CATSPERE: variants seen among roughly 807,000 people sequenced by gnomAD.
CATSPERE encodes cation channel sperm-associated auxiliary subunit epsilon.
In CATSPERE, 93 loss-of-function variants were observed where a neutral mutation model predicts 114.1. That is an observed-to-expected ratio of 0.81 (90% CI 0.69 to 0.97). The LOEUF (loss-of-function observed/expected upper bound fraction) is 0.97. Among genes scored for constraint, CATSPERE ranks in the 50% least tolerant of loss-of-function variants. The pLI is 0.00. For missense variants in CATSPERE, 1,058 were observed against 1,131.6 expected (o/e 0.93, Z 0.93); for synonymous variants, 341 against 384.1 (o/e 0.89, Z 1.31).
chr1:244,512,796 C>T (rs1675983527), intron 7 of CATSPERE, among the ~76,000 whole-genome samples: 1 of 152,192 alleles, frequency 6.6e-6, no homozygotes, highest in South Asian at 2.1e-4. Context: ...GGCTTTAATT[C>T]TGGATGGGCA....
intron 8 of CATSPERE, among the ~76,000 whole-genome samples, chr1:244,526,146 A>C (rs1210762160): frequency 6.6e-6 from 1 of 152,234 alleles, no homozygotes; most frequent in African/African-American, 2.4e-5. Context: ...GTGGTGACAC[A>C]TGCCTGTAAT....
chr1:244,625,401 A>AT (rs1240497857), intron 20 of CATSPERE, among the ~76,000 whole-genome samples: 1 of 46,386 alleles, frequency 2.2e-5, no homozygotes, highest in Non-Finnish European at 3.9e-5. Context: ...TATTATTATT[A>AT]TTATTTATAT....
intron 5 of CATSPERE, among the ~76,000 whole-genome samples, chr1:244,482,066 AG>A (rs1032787092): frequency 6.6e-6 from 1 of 150,842 alleles, no homozygotes; most frequent in African/African-American, 2.4e-5. Context: ...GCACCTATCC[AG>A]GGGGCAGGTT....
intron 17 of CATSPERE, chr1:244,598,557 A>G: frequency 3.9e-6 from 1 of 255,198 alleles, no homozygotes; most frequent in Non-Finnish European, 8.1e-6. Context: ...GAATCCAGCC[A>G]CCTCACCTGT....
At chr1:244,545,973 G>GT (rs1659688412) in intron 8 of CATSPERE, among the ~76,000 whole-genome samples, 1 of 152,188 alleles carries the variant, frequency 6.6e-6, no homozygotes, top group African/African-American at 2.4e-5. Context: ...TTTACAGATG[G>GT]CTTTGCATGC....
intron 1 of CATSPERE, 150 bp from the exon 2 acceptor site, chr1:244,463,758 C>T: frequency 1.5e-6 from 1 of 673,964 alleles, no homozygotes; most frequent in Non-Finnish European, 2.7e-6. Context: ...CTGATAGCCC[C>T]AATTTTAGCC....
At chr1:244,583,533 G>A (rs1296950458) in intron 12 of CATSPERE, among the ~76,000 whole-genome samples, 1 of 152,202 alleles carries the variant, frequency 6.6e-6, no homozygotes, top group African/African-American at 2.4e-5. Flanking sequence ...GTCTGCAGCA[G>A]AGCCCCATTG....
chr1:244,481,950 T>G (rs996711851), intron 5 of CATSPERE, among the ~76,000 whole-genome samples: 4 of 152,174 alleles, frequency 2.6e-5, no homozygotes, highest in Non-Finnish European at 5.9e-5. Flanking sequence ...GTTACCAATT[T>G]CATTTACACA....
intron 5 of CATSPERE, among the ~76,000 whole-genome samples, chr1:244,486,529 G>C (rs374861759): frequency 7.4e-5 from 10 of 134,874 alleles, no homozygotes; most frequent in South Asian, 4.9e-4. Flanking sequence ...TAGTCACCTG[G>C]TGGGTGGTCC....
At chr1:244,491,338 A>G (rs926306289) in intron 6 of CATSPERE, among the ~76,000 whole-genome samples, 2 of 152,202 alleles carry the variant, frequency 1.3e-5, no homozygotes, top group Non-Finnish European at 2.9e-5. Context: ...CTGCTCCTGA[A>G]TGACTACTGG....
intron 4 of CATSPERE, among the ~76,000 whole-genome samples, chr1:244,478,922 G>A (rs1420117667): frequency 1.3e-5 from 2 of 149,820 alleles, no homozygotes; most frequent in African/African-American, 4.9e-5. Context: ...CAGCTACTCA[G>A]GAGGCTGAGG....
chr1:244,619,106 G>A (rs1671763759), intron 20 of CATSPERE, among the ~76,000 whole-genome samples: 1 of 152,190 alleles, frequency 6.6e-6, no homozygotes, highest in South Asian at 2.1e-4. Context: ...TCTAAGCAAA[G>A]ATGTCCTATA....
At chr1:244,601,086 T>C (rs1282013011) in intron 17 of CATSPERE, among the ~76,000 whole-genome samples, 1 of 152,138 alleles carries the variant, frequency 6.6e-6, no homozygotes, top group Non-Finnish European at 1.5e-5. Context: ...AGTAGGCATA[T>C]TTTAAAAATT....
At chr1:244,546,780 T>C (rs1659824306) in intron 8 of CATSPERE, among the ~76,000 whole-genome samples, 2 of 152,070 alleles carry the variant, frequency 1.3e-5, no homozygotes, top group Non-Finnish European at 2.9e-5. Context: ...CTTGAAAATA[T>C]ACAGTTATGA....
At chr1:244,542,884 A>G (rs1659085414) in intron 8 of CATSPERE, among the ~76,000 whole-genome samples, 1 of 152,236 alleles carries the variant, frequency 6.6e-6, no homozygotes, top group South Asian at 2.1e-4. Flanking sequence ...TCTAATCATT[A>G]GGGAAATGCA....
Position 244,504,604 on chromosome 1 carries a change from C to G in CATSPERE, c.429+5525C>G, listed in dbSNP as rs558813884. Among the ~76,000 whole-genome samples the G allele has an allele frequency of 1.3e-5, 2 of 152,206 alleles. No individual in the cohort carries two copies. The highest frequency in any genetic ancestry group is 1.9e-4 in the East Asian group (1 of 5,188). ...TTCTAGACTTTCATGGCTTTTGATG[C>G]CCTTGGAAATGTTGAGGATTGCTGG... On this transcript the variant is annotated intron_variant, in intron 7 of 21. Transcript: ENST00000366534. This position sits in a 1 kb window ranked among gnomAD's most constrained non-coding sequence, Gnocchi z 4.1.
chr1:244,621,899 T>C (rs1422366469), intron 20 of CATSPERE, among the ~76,000 whole-genome samples: 1 of 152,210 alleles, frequency 6.6e-6, no homozygotes, highest in Non-Finnish European at 1.5e-5. Flanking sequence ...AAATGTCCAC[T>C]ACAGTCCACA....
chr1:244,489,290 G>A (rs924055411), intron 5 of CATSPERE, among the ~76,000 whole-genome samples: 1 of 152,072 alleles, frequency 6.6e-6, no homozygotes, highest in Non-Finnish European at 1.5e-5. Context: ...GCTGGTGAGG[G>A]AAGGATTTGT....
At chr1:244,546,826 T>C (rs1659830222) in intron 8 of CATSPERE, among the ~76,000 whole-genome samples, 1 of 152,098 alleles carries the variant, frequency 6.6e-6, no homozygotes, top group Non-Finnish European at 1.5e-5. Flanking sequence ...AGAAAGCCAG[T>C]GGGATTTATG....
Sources: allele counts gnomAD v4.1 joint callset (sites outside exome capture counted in the v4.1 genomes callset), GRCh38; gene constraint gnomAD v4.1.1; non-coding constraint Gnocchi (gnomAD v3.1); transcripts MANE v1.5; gene names NCBI Gene and HGNC (gene_info 2026-07-23, HGNC 2026-07-21).